The following MBP variants were observed in gnomAD, a reference collection of about 807,000 sequenced individuals.
MBP encodes myelin basic protein.
MBP carries 16 observed loss-of-function variants against 35.8 expected under a neutral mutation model. The ratio of observed to expected loss-of-function variants is 0.45; its 90% CI spans 0.30 to 0.68. The LOEUF is 0.68. Ranked by LOEUF, MBP falls within the 30% of genes least tolerant of loss-of-function variation. The pLI is 0.08. For synonymous variants in MBP, 143 were observed against 159.6 expected (o/e 0.90, Z 0.78); for missense variants, 380 against 404.7 (o/e 0.94, Z 0.52).
chr18:77,067,314 CCTTT>C (rs1244446824), intron 2 of MBP, among the ~76,000 whole-genome samples: 3 of 152,180 alleles, frequency 2.0e-5, no homozygotes, highest in Non-Finnish European at 2.9e-5. Context: ...TCTTTTCCCT[CCTTT>C]CTGTCTTCAC....
At chr18:77,114,577 T>C (rs930023037) in intron 1 of MBP, 15 of 152,186 alleles carry the variant, frequency 9.9e-5, no homozygotes, top group African/African-American at 3.6e-4. Flanking sequence ...AAATTCTCTG[T>C]GTAAAAATAG....
chr18:77,042,976 A>T (rs1973078780), intron 3 of MBP, among the ~76,000 whole-genome samples: 1 of 152,260 alleles, frequency 6.6e-6, no homozygotes, highest in Non-Finnish European at 1.5e-5. Flanking sequence ...GATATCATTT[A>T]TCAAAATGGC....
chr18:77,081,120 G>A (rs1974881614), intron 2 of MBP, among the ~76,000 whole-genome samples: 1 of 152,180 alleles, frequency 6.6e-6, no homozygotes, highest in African/African-American at 2.4e-5. Flanking sequence ...CTGACTGGAG[G>A]TGGGAAGTTA....
rs1263444069 is a variant in MBP at position 76,980,011 on chromosome 18, C to T, written c.*416G>A. 5 of 702,586 alleles carry T rather than the reference C, an allele frequency of 7.1e-6. No individual in the cohort carries two copies. Among genetic ancestry groups the T allele is most frequent in the East Asian group, 2.7e-5 (1 of 37,276 alleles). The allele number at this position is 702,586 out of a possible 1,614,324, so 43.5% of individuals were successfully genotyped here. A position where few individuals can be genotyped will look rare whatever the true frequency, so the allele number is the denominator to read the frequency against. The stretch of plus-strand genomic sequence containing the variant: ...TGTCAACAGTCCTCTCTGCCGCCCA[C>T]GTCCTCTCTGTCTCTGCAGCTGTGT... On this transcript the variant is annotated 3_prime_UTR_variant, in exon 9 of 9. Coordinates refer to ENST00000355994, the MANE Select transcript of MBP (RefSeq NM_001025101.2).
chr18:77,059,103 C>G lies in MBP; in HGVS notation c.139+7195G>C, dbSNP rs544245814. ...GCCGTCTCACTTACTTTGACTGAAG[C>G]CTATTAAAACAATTAAAAGAAAGAA... On this transcript the variant is annotated intron_variant, in intron 3 of 8. Transcript: ENST00000355994. Among the ~76,000 whole-genome samples the G allele has an allele frequency of 3.6e-4, 55 of 152,238 alleles. No homozygotes were observed. The South Asian group carries it at 0.01, about 28-fold the overall frequency.
intron 7 of MBP, chr18:76,985,613 C>G (rs1969506549): frequency 8.5e-6 from 9 of 1,059,918 alleles, no homozygotes; most frequent in African/African-American, 1.7e-5. Context: ...AGGAGGCAGG[C>G]CTGGCTGGCA....
intron 1 of MBP, among the ~76,000 whole-genome samples, chr18:77,118,106 T>G (rs181737375): frequency 5.0e-5 from 1 of 20,154 alleles, no homozygotes; most frequent in Non-Finnish European, 9.5e-5. Flanking sequence ...TGGGTTGGGG[T>G]GGGATGGGGA....
At chr18:77,088,853 G>C (rs184368634) in intron 2 of MBP, among the ~76,000 whole-genome samples, 4 of 152,184 alleles carry the variant, frequency 2.6e-5, no homozygotes, top group Admixed American at 2.6e-4. Flanking sequence ...TTTGGAAACA[G>C]AGTCTTTGCA....
At chr18:77,097,333 G>A (rs1235900952) in intron 2 of MBP, 1 of 152,258 alleles carries the variant, frequency 6.6e-6, no homozygotes, top group African/African-American at 2.4e-5. Flanking sequence ...TCTCCTCCTG[G>A]AACCCATCTC....
chr18:77,132,571 G>T lies in MBP; in HGVS notation c.-26+9C>A, dbSNP rs952517574. ...CAGAGCAGCCCGCCCGTCCCCGAGG[G>T]TCACCCACCGGCGCTGCGCTCGTTG... On this transcript the variant is annotated intron_variant, in intron 1 of 8. Coordinates refer to ENST00000355994, the MANE Select transcript of MBP (RefSeq NM_001025101.2). The T allele has an allele frequency of 6.6e-6, 1 of 152,280 alleles. No individual in the cohort carries two copies. The highest frequency in any genetic ancestry group is 6.5e-5 in the Admixed American group (1 of 15,286). 9.4% of individuals were successfully genotyped at this position (152,280 alleles called of 1,614,324 possible). A position where few individuals can be genotyped will look rare whatever the true frequency, so the allele number is the denominator to read the frequency against.
chr18:77,080,339 G>A (rs1022297066), intron 2 of MBP, among the ~76,000 whole-genome samples: 4 of 152,240 alleles, frequency 2.6e-5, no homozygotes, highest in African/African-American at 9.6e-5. Context: ...AACAGGATGC[G>A]GACGGTAAGG....
At chr18:77,034,729 C>T (rs925581066) in intron 3 of MBP, among the ~76,000 whole-genome samples, 2 of 152,192 alleles carry the variant, frequency 1.3e-5, no homozygotes, top group Non-Finnish European at 2.9e-5. Flanking sequence ...ATCGCTCCTT[C>T]GGAGATTCTC....
At chr18:76,999,765 C>G (rs470498) in intron 4 of MBP, among the ~76,000 whole-genome samples, 108,919 of 152,004 alleles carry the variant, frequency 0.72, 40,562 homozygotes, top group Non-Finnish European at 0.82. Context: ...GGCCTGCTTA[C>G]TTTTTAGGAC....
chr18:77,059,273 G>A (rs1371895937), intron 3 of MBP, among the ~76,000 whole-genome samples: 3 of 152,096 alleles, frequency 2.0e-5, no homozygotes, highest in African/African-American at 7.2e-5. Flanking sequence ...GATAATACAG[G>A]ATCGCTAAAC....
At chr18:77,061,505 CAG>C (rs1271273321) in intron 3 of MBP, among the ~76,000 whole-genome samples, 3 of 152,314 alleles carry the variant, frequency 2.0e-5, no homozygotes, top group Non-Finnish European at 4.4e-5. Flanking sequence ...AAGACACAAA[CAG>C]AGGAGTTCAT....
Position 77,028,722 on chromosome 18 carries a change from G to A in MBP, c.140-11454C>T, listed in dbSNP as rs1354453808. ...CGGGCAGAGGCGCCCCTCACCTCCC[G>A]GACGGGGCGGCTGGCCAGGCGGGGG... On this transcript the variant is annotated intron_variant, in intron 3 of 8. Coordinates refer to ENST00000355994, the MANE Select transcript of MBP (RefSeq NM_001025101.2). Among the ~76,000 whole-genome samples, 5 of 91,440 alleles carry A rather than the reference G, an allele frequency of 5.5e-5. 1 individual carries two copies. The highest frequency in any genetic ancestry group is 1.5e-4 in the African/African-American group (5 of 33,912). 60.0% of individuals were successfully genotyped at this position (91,440 alleles called of 152,430 possible).
At chr18:77,092,824 C>T (rs1032896279) in intron 2 of MBP, among the ~76,000 whole-genome samples, 4 of 152,202 alleles carry the variant, frequency 2.6e-5, no homozygotes, top group Non-Finnish European at 2.9e-5. Flanking sequence ...TTCAGCAGCT[C>T]CCCTGACCCC....
At chr18:76,993,266 A>G (rs1272065632) in intron 4 of MBP, among the ~76,000 whole-genome samples, 3 of 152,104 alleles carry the variant, frequency 2.0e-5, no homozygotes. Context: ...GAGGGATCCC[A>G]TTTTGGCTGG....
At chr18:77,071,867 C>T (rs542327708) in intron 2 of MBP, among the ~76,000 whole-genome samples, 1 of 152,274 alleles carries the variant, frequency 6.6e-6, no homozygotes, top group East Asian at 1.9e-4. Context: ...TGGAGAGTGT[C>T]AATGGCGTAG....
Sources: allele counts gnomAD v4.1 joint callset (sites outside exome capture counted in the v4.1 genomes callset), GRCh38; gene constraint gnomAD v4.1.1; transcripts MANE v1.5; gene names NCBI Gene and HGNC (gene_info 2026-07-23, HGNC 2026-07-21).